PRKAR2A: variants seen among roughly 807,000 people sequenced by gnomAD.
PRKAR2A encodes the protein cAMP-dependent protein kinase type II-alpha regulatory subunit.
In PRKAR2A, 29 loss-of-function variants were observed where a neutral mutation model predicts 51.9. The observed-to-expected ratio is 0.56, with a 90% CI of 0.42 to 0.76. The LOEUF is 0.76. Among genes scored for constraint, PRKAR2A ranks in the 30% least tolerant of loss-of-function variants. PRKAR2A has a pLI of 0.00. For missense variants in PRKAR2A, 445 were observed against 512.1 expected, an observed-to-expected ratio of 0.87 and a Z score of 1.26; for synonymous variants, 178 against 186.2, an observed-to-expected ratio of 0.96 and a Z score of 0.36.
At chr3:48,829,691 TAC>T (rs1374392990) in intron 1 of PRKAR2A, among the ~76,000 whole-genome samples, 12 of 141,218 alleles carry the variant, frequency 8.5e-5, no homozygotes, top group Non-Finnish European at 1.7e-4. Context: ...TGTGTGTGTA[TAC>T]GTGTGTATAT....
Position 48,751,424 on chromosome 3 carries a change from T to C in PRKAR2A, c.*161A>G. ...GTGGGTTGAACCTCTGCCCATCCTT[T>C]AGTGCTGACTTTCAAGTTTTCTAAA... On this transcript the variant is annotated 3_prime_UTR_variant, in exon 11 of 11. Transcript: ENST00000265563. The C allele has an allele frequency of 3.0e-6, 3 of 1,016,644 alleles. No individual in the cohort carries two copies. Among genetic ancestry groups the C allele is most frequent in the Non-Finnish European group, 4.5e-6 (3 of 667,824 alleles). The allele number at this position is 1,016,644 out of a possible 1,614,324, so 63.0% of individuals were successfully genotyped here. A position where few individuals can be genotyped will look rare whatever the true frequency, so the allele number is the denominator to read the frequency against.
At chr3:48,761,100 G>A (rs1419950014) in intron 8 of PRKAR2A, among the ~76,000 whole-genome samples, 1 of 151,956 alleles carries the variant, frequency 6.6e-6, no homozygotes, top group Non-Finnish European at 1.5e-5. Flanking sequence ...TGGCTAACAC[G>A]GTGAAACCTG....
At chr3:48,826,117 T>C (rs1194454116) in intron 1 of PRKAR2A, among the ~76,000 whole-genome samples, 2 of 152,086 alleles carry the variant, frequency 1.3e-5, no homozygotes, top group Non-Finnish European at 2.9e-5. Context: ...TTTTTTAAAA[T>C]TAGCCAGGTG....
chr3:48,779,916 C>T (rs1183311214), intron 5 of PRKAR2A, among the ~76,000 whole-genome samples: 1 of 151,810 alleles, frequency 6.6e-6, no homozygotes, highest in Non-Finnish European at 1.5e-5. Context: ...AATCCCAGCA[C>T]TTTGGGAGGC....
intron 5 of PRKAR2A, among the ~76,000 whole-genome samples, chr3:48,774,624 C>A (rs2107263085): frequency 6.6e-6 from 1 of 152,290 alleles, no homozygotes; most frequent in Non-Finnish European, 1.5e-5. Flanking sequence ...TCATTCTATT[C>A]TCTATGTCTA....
In PRKAR2A at chr3:48,751,577, T is replaced by G. The variant is rs765060514; in HGVS notation, c.*8A>C. On this transcript the variant is annotated 3_prime_UTR_variant, in exon 11 of 11. Transcript: ENST00000265563. Reference sequence around the variant, plus strand: ...GTCACACTAAGAAGGCTCTGGGGTGTGGCACACCTACTGCCCGAGGTTGCC... The same window carrying G: ...GTCACACTAAGAAGGCTCTGGGGTGGGGCACACCTACTGCCCGAGGTTGCC... The G allele has an allele frequency of 9.3e-6, 15 of 1,609,902 alleles. No individual in the cohort carries two copies. In the Admixed American group the frequency reaches 1.2e-4, roughly 13 times the overall value.
chr3:48,795,919 T>C (rs563063361), intron 2 of PRKAR2A, among the ~76,000 whole-genome samples: 2 of 152,296 alleles, frequency 1.3e-5, no homozygotes, highest in African/African-American at 4.8e-5. Flanking sequence ...AGAAGGGGGA[T>C]ACAAATATGG....
At chr3:48,757,433 G>C (rs1469023658) in intron 8 of PRKAR2A, among the ~76,000 whole-genome samples, 3 of 152,150 alleles carry the variant, frequency 2.0e-5, no homozygotes, top group Admixed American at 2.0e-4. Flanking sequence ...CACCCATGAA[G>C]TAACTATATC....
At chr3:48,768,020 C>T (rs1040652381) in intron 6 of PRKAR2A, among the ~76,000 whole-genome samples, 3 of 151,630 alleles carry the variant, frequency 2.0e-5, no homozygotes, top group Non-Finnish European at 2.9e-5. Context: ...GGAACAGTGG[C>T]TCACGACTGT....
At chr3:48,840,567 CTTTTTTTT>C (rs760883553) in intron 1 of PRKAR2A, among the ~76,000 whole-genome samples, 3 of 69,464 alleles carry the variant, frequency 4.3e-5, no homozygotes, top group Non-Finnish European at 8.2e-5. Context: ...TTGTTTTCAC[CTTTTTTTT>C]TTTTTTTTTT....
At chr3:48,804,584 C>T (rs960160154) in intron 2 of PRKAR2A, among the ~76,000 whole-genome samples, 12 of 152,204 alleles carry the variant, frequency 7.9e-5, no homozygotes, top group Non-Finnish European at 1.2e-4. Flanking sequence ...AGCAAAAAGA[C>T]GGCAGAATCA....
rs1040121396 is a variant in PRKAR2A, at chr3:48,847,262, C to G, written c.262+73G>C. The G allele has an allele frequency of 2.0e-6, 3 of 1,533,392 alleles. No individual in the cohort carries two copies. The highest frequency in any genetic ancestry group is 1.4e-5 in the African/African-American group (1 of 71,246). The allele number at this position is 1,533,392 out of a possible 1,614,324, so 95.0% of individuals were successfully genotyped here. A position where few individuals can be genotyped will look rare whatever the true frequency, so the allele number is the denominator to read the frequency against. On this transcript the variant is annotated intron_variant, in intron 1 of 10. Coordinates refer to ENST00000265563, the MANE Select transcript of PRKAR2A (RefSeq NM_004157.4). This position sits in a 1 kb window ranked among gnomAD's most constrained non-coding sequence, Gnocchi z 4.4. ...GGTCGGCTTGGCTGCGGCGCGACAC[C>G]TGGCTCCCTGCCACCCCTCTAGACC...
At chr3:48,752,818 C>T (rs931138744) in intron 9 of PRKAR2A, among the ~76,000 whole-genome samples, 2 of 151,484 alleles carry the variant, frequency 1.3e-5, no homozygotes, top group African/African-American at 4.8e-5. Flanking sequence ...CCATCTTGGC[C>T]TCCCAAAGTG....
chr3:48,799,120 G>T (rs2082544538), intron 2 of PRKAR2A, among the ~76,000 whole-genome samples: 1 of 152,130 alleles, frequency 6.6e-6, no homozygotes, highest in Non-Finnish European at 1.5e-5. Flanking sequence ...TGCCCCAAGG[G>T]TTCTGCACAT....
In PRKAR2A at chr3:48,765,113, C is replaced by T. The variant is rs374974962; in HGVS notation, c.799-35G>A. The T allele has an allele frequency of 3.1e-6, 5 of 1,600,638 alleles. No individual in the cohort carries two copies. In the African/African-American group the frequency reaches 5.4e-5, roughly 17 times the overall value. On this transcript the variant is annotated intron_variant, in intron 7 of 10. Coordinates refer to ENST00000265563, the MANE Select transcript of PRKAR2A (RefSeq NM_004157.4). ...CAAATTCACAAATAAAAGGAAAAGA[C>T]CTTAATTGAAAGTCACAATAGCTAT... is the stretch of plus-strand genomic sequence containing the variant.
At chr3:48,794,389 GATCCACCTGATGTAT>G (rs1365795048) in intron 2 of PRKAR2A, among the ~76,000 whole-genome samples, 6 of 151,798 alleles carry the variant, frequency 4.0e-5, no homozygotes, top group African/African-American at 7.3e-5. Context: ...GACATCAGGT[GATCCACCTGATGTAT>G]ATCCACCTGA....
In PRKAR2A at chr3:48,756,388, A is replaced by C. The variant is rs768453904; in HGVS notation, c.930T>G (p.Ile310Met). The C allele has an allele frequency of 6.2e-7, 1 of 1,613,580 alleles. No homozygotes were observed. Among genetic ancestry groups the C allele is most frequent in the East Asian group, 2.2e-5 (1 of 44,862 alleles). Residue 310 changes from isoleucine (I) to methionine (M), a missense_variant, in exon 9 of 11, where the codon ATT becomes ATG. Ile to Met is a conservative substitution (Grantham distance 10, BLOSUM62 1). Transcript: ENST00000265563. ...IIESGEVSIL[I>M]RSRTKSNKDG... Reference sequence around the variant, plus strand: ...AAACTGATAAACTCACCCTGCTTCTAATCAAGATGCTCACTTCGCCAGACT... The same window carrying C: ...AAACTGATAAACTCACCCTGCTTCTCATCAAGATGCTCACTTCGCCAGACT...
intron 1 of PRKAR2A, among the ~76,000 whole-genome samples, chr3:48,808,174 C>CAA (rs2082707282): frequency 6.7e-6 from 1 of 149,988 alleles, no homozygotes; most frequent in African/African-American, 2.5e-5. Flanking sequence ...CAGCCTCCGG[C>CAA]GTAGCTGGGA....
chr3:48,745,076 T>C (rs2081547618), downstream of PRKAR2A, among the ~76,000 whole-genome samples: 1 of 152,074 alleles, frequency 6.6e-6, no homozygotes, highest in South Asian at 2.1e-4. Context: ...GGTTTCACCA[T>C]GTTGGCCAGG....
Sources: allele counts gnomAD v4.1 joint callset (sites outside exome capture counted in the v4.1 genomes callset), GRCh38; gene constraint gnomAD v4.1.1; non-coding constraint Gnocchi (gnomAD v3.1); transcripts MANE v1.5; gene names NCBI Gene and HGNC (gene_info 2026-07-23, HGNC 2026-07-21).